FBXL20: variants seen among roughly 807,000 people sequenced by gnomAD.
The protein encoded by FBXL20 is F-box and leucine rich repeat protein 20.
Under a neutral mutation model 64.0 loss-of-function variants are expected in FBXL20, and 11 were observed. That is an observed-to-expected ratio of 0.17 (90% confidence interval 0.11 to 0.28). The LOEUF is 0.28. Among genes scored for constraint, FBXL20 ranks in the 10% least tolerant of loss-of-function variants. The probability of loss-of-function intolerance (pLI) is 1.00; values close to 1 mark genes in which losing one functional copy is unlikely to be tolerated. For synonymous variants in FBXL20, 184 were observed against 189.0 expected (o/e 0.97, Z 0.22); for missense variants, 303 against 526.2 (o/e 0.58, Z 4.15).
At chr17:39,397,384 GTTC>G (rs1288664470) in intron 1 of FBXL20, among the ~76,000 whole-genome samples, 1 of 152,100 alleles carries the variant, frequency 6.6e-6, no homozygotes, top group East Asian at 1.9e-4. Context: ...TAACTTATGG[GTTC>G]TTATCTCCAG....
intron 1 of FBXL20, among the ~76,000 whole-genome samples, chr17:39,393,524 A>C (rs990863538): frequency 3.3e-5 from 5 of 152,152 alleles, no homozygotes; most frequent in African/African-American, 1.2e-4. Context: ...AATGCCTAAG[A>C]TCAACTTAAT....
chr17:39,395,578 G>A (rs1212569396), intron 1 of FBXL20, among the ~76,000 whole-genome samples: 1 of 152,208 alleles, frequency 6.6e-6, no homozygotes, highest in African/African-American at 2.4e-5. Context: ...TTTCAAACCA[G>A]TTGCTAGAGT....
intron 9 of FBXL20, among the ~76,000 whole-genome samples, chr17:39,275,349 A>G (rs2046880192): frequency 6.6e-6 from 1 of 152,162 alleles, no homozygotes; most frequent in South Asian, 2.1e-4. Flanking sequence ...TGGAATTCTA[A>G]TAGAACTGGG....
chr17:39,261,444 T>C lies in FBXL20; in HGVS notation c.*16A>G, dbSNP rs201876025. On this transcript the variant is annotated 3_prime_UTR_variant, in exon 15 of 15. Coordinates refer to ENST00000264658, the MANE Select transcript of FBXL20 (RefSeq NM_032875.3). ...TCATTAAATACTCAGTTCGCCAAGGTTGACCACCTCCATTGTCATAGGATG... is the reference window on the plus strand; with the variant it reads ...TCATTAAATACTCAGTTCGCCAAGGCTGACCACCTCCATTGTCATAGGATG... 36 of 1,602,072 alleles carry C rather than the reference T, an allele frequency of 2.2e-5. No individual in the cohort carries two copies. In the African/African-American group the frequency reaches 3.5e-4, roughly 15 times the overall value.
At chr17:39,389,938 C>T (rs538042217) in intron 1 of FBXL20, among the ~76,000 whole-genome samples, 96 of 152,228 alleles carry the variant, frequency 6.3e-4, no homozygotes, top group Admixed American at 6.2e-3. Context: ...AGGTAGGGTG[C>T]GGTTAAAAGC....
chr17:39,269,270 G>A (rs981364913), intron 11 of FBXL20, among the ~76,000 whole-genome samples: 5 of 151,484 alleles, frequency 3.3e-5, no homozygotes, highest in East Asian at 1.9e-4. Context: ...CTCGGCTCAC[G>A]GCAAGCTCTA....
At chr17:39,308,568 ATTT>A (rs71141795) in intron 2 of FBXL20, among the ~76,000 whole-genome samples, 136 of 144,934 alleles carry the variant, frequency 9.4e-4, no homozygotes, top group African/African-American at 3.2e-3. Context: ...TAATACAATA[ATTT>A]TTTTTTTTTT....
At chr17:39,263,922 C>A in intron 14 of FBXL20, 3 of 298,506 alleles carry the variant, frequency 1.0e-5, no homozygotes, top group Non-Finnish European at 1.3e-5. Flanking sequence ...AAGCCCTAGA[C>A]ATTATTAGAC....
chr17:39,294,777 C>T (rs545450355), intron 6 of FBXL20, among the ~76,000 whole-genome samples: 16 of 152,074 alleles, frequency 1.1e-4, no homozygotes, highest in African/African-American at 3.6e-4. Context: ...TTTGGGAGGC[C>T]GAGGTGGGCA....
At chr17:39,278,273 G>A (rs2046917285) in intron 9 of FBXL20, among the ~76,000 whole-genome samples, 1 of 151,912 alleles carries the variant, frequency 6.6e-6, no homozygotes, top group Non-Finnish European at 1.5e-5. Context: ...AGACTCCTGA[G>A]TAGCTGGGAT....
intron 13 of FBXL20, 21 bp from the exon 14 acceptor site, chr17:39,264,408 G>A: frequency 6.2e-7 from 1 of 1,605,522 alleles, no homozygotes; most frequent in East Asian, 2.2e-5. Context: ...ATAGAGCAAG[G>A]AAGGATGTTG....
intron 2 of FBXL20, among the ~76,000 whole-genome samples, chr17:39,319,330 C>T (rs1233211955): frequency 6.6e-6 from 1 of 151,854 alleles, no homozygotes; most frequent in Non-Finnish European, 1.5e-5. Flanking sequence ...CAGATAATAG[C>T]AACTCTACAT....
At chr17:39,348,990 G>A (rs1357531131) in intron 1 of FBXL20, among the ~76,000 whole-genome samples, 1 of 151,954 alleles carries the variant, frequency 6.6e-6, no homozygotes, top group Non-Finnish European at 1.5e-5. Context: ...AGCAGTTCAT[G>A]CCTGTAATCC....
intron 6 of FBXL20, among the ~76,000 whole-genome samples, chr17:39,293,746 T>C (rs917147475): frequency 6.6e-6 from 1 of 152,134 alleles, no homozygotes; most frequent in African/African-American, 2.4e-5. Context: ...TCACTAGATC[T>C]TCTTTGCCAA....
chr17:39,385,781 C>T (rs930537143), intron 1 of FBXL20, among the ~76,000 whole-genome samples: 1 of 152,150 alleles, frequency 6.6e-6, no homozygotes, highest in South Asian at 2.1e-4. Flanking sequence ...CCTATAATCC[C>T]AGCACTTTGG....
intron 1 of FBXL20, among the ~76,000 whole-genome samples, chr17:39,381,710 G>T (rs1489204589): frequency 6.6e-6 from 1 of 151,262 alleles, no homozygotes; most frequent in African/African-American, 2.4e-5. Context: ...AAGATTACTG[G>T]AGCGGTGGAG....
At chr17:39,341,981 T>C (rs1567888382) in intron 2 of FBXL20, among the ~76,000 whole-genome samples, 1 of 152,176 alleles carries the variant, frequency 6.6e-6, no homozygotes, top group Non-Finnish European at 1.5e-5. Context: ...GGAAATGTTA[T>C]CTCTTGGATG....
chr17:39,261,652 G>C, intron 14 of FBXL20, 85 bp from the exon 15 acceptor site: 1 of 987,280 alleles, frequency 1.0e-6, no homozygotes, highest in Non-Finnish European at 1.5e-6. Context: ...CTACCGAGGG[G>C]CTCAATGAAC....
At chr17:39,269,857 C>G (rs1261418312) in intron 11 of FBXL20, among the ~76,000 whole-genome samples, 1 of 152,156 alleles carries the variant, frequency 6.6e-6, no homozygotes, top group Non-Finnish European at 1.5e-5. Context: ...CTCAAGCGAT[C>G]TGCTTTCCTT....
Sources: allele counts gnomAD v4.1 joint callset (sites outside exome capture counted in the v4.1 genomes callset), GRCh38; gene constraint gnomAD v4.1.1; transcripts MANE v1.5; gene names NCBI Gene and HGNC (gene_info 2026-07-23, HGNC 2026-07-21).